Variants in LOXL2 observed in about 807,000 individuals in gnomAD.
The protein encoded by LOXL2 is lysyl oxidase like 2, also known as lysyl oxidase homolog 2.
In LOXL2, 70 loss-of-function variants were observed where a neutral mutation model predicts 93.0. The observed-to-expected ratio is 0.75, with a 90% CI of 0.62 to 0.92. The LOEUF (loss-of-function observed/expected upper bound fraction) is 0.92, where lower values mean the gene tolerates loss of function less well. LOXL2 is among the 40% of genes least tolerant of loss of function. LOXL2 has a pLI of 0.00. For synonymous variants in LOXL2, 438 were observed against 413.2 expected, an observed-to-expected ratio of 1.06 and a Z score of -0.73; for missense variants, 973 against 1,054.9, an observed-to-expected ratio of 0.92 and a Z score of 1.08.
At chr8:23,388,068 A>G (rs1804790395) in intron 1 of LOXL2, among the ~76,000 whole-genome samples, 1 of 152,250 alleles carries the variant, frequency 6.6e-6, no homozygotes, top group African/African-American at 2.4e-5. Flanking sequence ...GCCAATAAAA[A>G]TAGCAGCTAA....
Position 23,316,934 on chromosome 8 carries a change from G to T in LOXL2, c.1636+15C>A. 6.4e-7 allele frequency: 1 copy of T among 1,573,222 alleles called. No homozygotes were observed. On this transcript the variant is annotated intron_variant, in intron 9 of 13. Coordinates refer to ENST00000389131, the MANE Select transcript of LOXL2 (RefSeq NM_002318.3). Reference sequence around the variant, plus strand: ...CCTTGGGAGCCCGGTGGGGAGGGAGGGGAGGAGCTCTCACTTTCTGAGCAG... The same window carrying T: ...CCTTGGGAGCCCGGTGGGGAGGGAGTGGAGGAGCTCTCACTTTCTGAGCAG...
At chr8:23,350,048 C>T (rs1168473590) in intron 3 of LOXL2, among the ~76,000 whole-genome samples, 1 of 152,062 alleles carries the variant, frequency 6.6e-6, no homozygotes, top group African/African-American at 2.4e-5. Context: ...GTGCTTTGTC[C>T]AGGCATCCTT....
intron 1 of LOXL2, among the ~76,000 whole-genome samples, chr8:23,374,057 G>A (rs907485244): frequency 3.3e-5 from 5 of 151,732 alleles, no homozygotes; most frequent in African/African-American, 4.8e-5. Context: ...CCGTTTACTC[G>A]TCATTTACAT....
intron 3 of LOXL2, among the ~76,000 whole-genome samples, chr8:23,348,515 C>T (rs2117191119): frequency 6.6e-6 from 1 of 152,186 alleles, no homozygotes; most frequent in African/African-American, 2.4e-5. Context: ...CTGCAGTGAA[C>T]TAGGATTGTG....
At chr8:23,320,136 A>G (rs1407558217) in intron 7 of LOXL2, 84 bp from the exon 8 acceptor site, 3 of 1,445,080 alleles carry the variant, frequency 2.1e-6, no homozygotes, top group East Asian at 4.6e-5. Context: ...AGTGTCCTGG[A>G]GTCCTAAGCC....
intron 1 of LOXL2, among the ~76,000 whole-genome samples, chr8:23,400,423 A>G (rs1585387353): frequency 6.6e-6 from 1 of 152,204 alleles, no homozygotes; most frequent in Non-Finnish European, 1.5e-5. Context: ...TTTACTTCTC[A>G]GGGGAAAGAT....
Position 23,317,430 on chromosome 8 carries a change from C to A in LOXL2, c.1471-316G>T, listed in dbSNP as rs565656691. Among the ~76,000 whole-genome samples the A allele has an allele frequency of 7.7e-3, 1,171 of 152,314 alleles. 17 individuals are homozygous for A. The highest frequency in any genetic ancestry group is 0.027 in the African/African-American group (1,120 of 41,558). On this transcript the variant is annotated intron_variant, in intron 8 of 13. Coordinates refer to ENST00000389131, the MANE Select transcript of LOXL2 (RefSeq NM_002318.3). ...CACACAACTCAGGTTGCCCACTCCC[C>A]AGTCCTGATCCAGGGCAGACATTGC...
chr8:23,341,130 A>G lies in LOXL2; in HGVS notation c.605T>C (p.Met202Thr), dbSNP rs1308754286. 1.9e-6 allele frequency: 3 copies of G among 1,613,930 alleles called. No individual in the cohort carries two copies. The highest frequency in any genetic ancestry group is 1.7e-4 in the Middle Eastern group (1 of 5,924). Residue 202 changes from methionine (M) to threonine (T), a missense_variant, in exon 4 of 14, where the codon ATG becomes ACG. By Grantham distance (81) the Met-to-Thr change is moderately conservative. Transcript: ENST00000389131. ...CTCCTTCACCTCCACGTAGCCCTCCATCACTGGGGTGCGCTTGCGGTAGGT... is the reference window on the plus strand; with the variant it reads ...CTCCTTCACCTCCACGTAGCCCTCCGTCACTGGGGTGCGCTTGCGGTAGGT... ...LSTYRKRTPV[M>T]EGYVEVKEGK...
chr8:23,332,148 A>G (rs1313344278), intron 5 of LOXL2: 1 of 151,224 alleles, frequency 6.6e-6, no homozygotes, highest in African/African-American at 2.4e-5. Context: ...CATTTCAGGA[A>G]TACACTCACA....
At chr8:23,376,860 A>G (rs1223889894) in intron 1 of LOXL2, among the ~76,000 whole-genome samples, 5 of 152,098 alleles carry the variant, frequency 3.3e-5, no homozygotes, top group African/African-American at 1.2e-4. Flanking sequence ...CTAGCAGTCT[A>G]TCAATTTTGT....
chr8:23,346,242 G>C (rs1005888146), intron 3 of LOXL2, among the ~76,000 whole-genome samples: 5 of 150,282 alleles, frequency 3.3e-5, no homozygotes, highest in African/African-American at 1.2e-4. Context: ...AGCCCCAAAT[G>C]CCAGAAGCTG....
chr8:23,310,122 C>G (rs1051720671), intron 9 of LOXL2, among the ~76,000 whole-genome samples: 1 of 152,208 alleles, frequency 6.6e-6, no homozygotes, highest in Non-Finnish European at 1.5e-5. Context: ...CTTCAGTTAT[C>G]GGTGCAGATG....
chr8:23,349,152 T>C (rs964437623), intron 3 of LOXL2, among the ~76,000 whole-genome samples: 1 of 152,122 alleles, frequency 6.6e-6, no homozygotes, highest in Admixed American at 6.5e-5. Context: ...CCACTCCCAA[T>C]TCCCAGTCAG....
intron 1 of LOXL2, among the ~76,000 whole-genome samples, chr8:23,393,165 A>G (rs1402525113): frequency 6.6e-6 from 1 of 152,262 alleles, no homozygotes; most frequent in East Asian, 1.9e-4. Flanking sequence ...CACAATTTCT[A>G]TCACAATCCC....
chr8:23,360,912 T>TG (rs1804279421), intron 2 of LOXL2, among the ~76,000 whole-genome samples: 1 of 151,176 alleles, frequency 6.6e-6, no homozygotes, highest in Non-Finnish European at 1.5e-5. Context: ...TGTTTTTTGT[T>TG]TTTTTTTTAG....
At chr8:23,371,279 C>T (rs1017953765) in intron 1 of LOXL2, among the ~76,000 whole-genome samples, 3 of 152,072 alleles carry the variant, frequency 2.0e-5, no homozygotes, top group African/African-American at 7.2e-5. Flanking sequence ...ACCCACAAGA[C>T]GGAAATACTA....
At chr8:23,367,403 G>A (rs1051843060) in intron 2 of LOXL2, among the ~76,000 whole-genome samples, 32 of 152,268 alleles carry the variant, frequency 2.1e-4, no homozygotes, top group Middle Eastern at 3.4e-3. Flanking sequence ...TCACAAGGGA[G>A]GAAAGAATAG....
chr8:23,346,143 A>AAT (rs1285190468), intron 3 of LOXL2, among the ~76,000 whole-genome samples: 1 of 55,702 alleles, frequency 1.8e-5, no homozygotes, highest in African/African-American at 1.2e-4. Flanking sequence ...AAAATAAAAT[A>AAT]AATAAAATAA....
intron 10 of LOXL2, among the ~76,000 whole-genome samples, chr8:23,307,217 A>G (rs1803242428): frequency 6.6e-6 from 1 of 152,130 alleles, no homozygotes; most frequent in Non-Finnish European, 1.5e-5. Context: ...AAGGAACCCA[A>G]CAGATGTTTG....
Sources: gnomAD v4.1 joint callset for allele counts (sites outside exome capture counted in the v4.1 genomes callset) on GRCh38, gnomAD v4.1.1 for gene constraint, MANE v1.5 for transcripts, NCBI Gene and HGNC (gene_info 2026-07-23, HGNC 2026-07-21) for gene names.